Variants in SPAG6 observed in about 807,000 individuals in gnomAD.
SPAG6 encodes sperm-associated antigen 6.
SPAG6 carries 49 observed loss-of-function variants against 58.5 expected under a neutral mutation model. The observed-to-expected ratio is 0.84, with a 90% CI of 0.67 to 1.06. The LOEUF (loss-of-function observed/expected upper bound fraction) is 1.06, where lower values mean the gene tolerates loss of function less well. SPAG6 is among the 50% of genes least tolerant of loss of function. The probability of loss-of-function intolerance (pLI) is 0.00; values close to 1 mark genes in which losing one functional copy is unlikely to be tolerated. For synonymous variants in SPAG6, 233 were observed against 225.6 expected (o/e 1.03, Z -0.29); for missense variants, 560 against 611.3 (o/e 0.92, Z 0.89).
At chr10:22,399,460 G>A (rs111440507) in intron 8 of SPAG6, among the ~76,000 whole-genome samples, 4 of 152,242 alleles carry the variant, frequency 2.6e-5, no homozygotes, top group African/African-American at 4.8e-5. Context: ...ACATTTGTGA[G>A]GTTCATTCAT....
intron 10 of SPAG6, chr10:22,412,561 G>A (rs1834767086): frequency 1.9e-6 from 2 of 1,034,334 alleles, no homozygotes; most frequent in Non-Finnish European, 2.8e-6. Context: ...ATACATCAAA[G>A]CAGTGATATA....
At chr10:22,395,851 G>T (rs1834280351) in intron 8 of SPAG6, among the ~76,000 whole-genome samples, 1 of 152,180 alleles carries the variant, frequency 6.6e-6, no homozygotes, top group Non-Finnish European at 1.5e-5. Context: ...GGACCACAAT[G>T]CTTTCAGAAC....
chr10:22,348,472 A>G (rs1836628078), intron 2 of SPAG6, among the ~76,000 whole-genome samples: 1 of 152,232 alleles, frequency 6.6e-6, no homozygotes, highest in South Asian at 2.1e-4. Context: ...ACTTTGACAT[A>G]CTGTCTACAT....
At chr10:22,357,180 G>C (rs1303185985) in intron 2 of SPAG6, among the ~76,000 whole-genome samples, 1 of 152,092 alleles carries the variant, frequency 6.6e-6, no homozygotes, top group Non-Finnish European at 1.5e-5. Context: ...AGAGCCTTCA[G>C]ATCTCAACTT....
At chr10:22,405,635 G>A (rs1263255313) in intron 9 of SPAG6, among the ~76,000 whole-genome samples, 20 of 151,244 alleles carry the variant, frequency 1.3e-4, no homozygotes, top group African/African-American at 3.7e-4. Flanking sequence ...TTGGTATCAG[G>A]ATGATGCTGG....
At chr10:22,381,324 AG>A (rs1156708855) in intron 4 of SPAG6, among the ~76,000 whole-genome samples, 2 of 150,810 alleles carry the variant, frequency 1.3e-5, no homozygotes, top group Non-Finnish European at 2.9e-5. Flanking sequence ...TGTCTCACAC[AG>A]TGTTCTTAAA....
At chr10:22,391,189 G>A (rs1198913331) in intron 7 of SPAG6, among the ~76,000 whole-genome samples, 1 of 152,198 alleles carries the variant, frequency 6.6e-6, no homozygotes, top group Non-Finnish European at 1.5e-5. Context: ...TAATTTAAAA[G>A]TTGACCATAA....
At chr10:22,374,674 G>A (rs910958171) in intron 4 of SPAG6, among the ~76,000 whole-genome samples, 30 of 151,726 alleles carry the variant, frequency 2.0e-4, no homozygotes, top group Non-Finnish European at 3.5e-4. Flanking sequence ...TATTTGGGAG[G>A]CTGAAGTGGG....
rs529451315 is a variant in SPAG6, at chr10:22,360,888, T to TTTCCTTCC, written c.122-3948_122-3941dup. On this transcript the variant is annotated intron_variant, in intron 2 of 10. Coordinates refer to ENST00000376624, the MANE Select transcript of SPAG6 (RefSeq NM_012443.4). ...GGCAGGTAAGAAAAATTTCTTTTTA[T>TTTCCTTCC]TTCCTTCCTTCCTTCCTTCCTTCCA... 1.5e-4 allele frequency: 193 copies of TTTCCTTCC among 1,279,152 alleles called. 1 individual carries two copies. In the South Asian group the frequency reaches 2.0e-3, roughly 14 times the overall value. 79.2% of individuals were successfully genotyped at this position (1,279,152 alleles called of 1,614,324 possible). A position where few individuals can be genotyped will look rare whatever the true frequency, so the allele number is the denominator to read the frequency against.
At chr10:22,357,009 C>T (rs1836888636) in intron 2 of SPAG6, among the ~76,000 whole-genome samples, 1 of 152,174 alleles carries the variant, frequency 6.6e-6, no homozygotes, top group Admixed American at 6.5e-5. Context: ...CTCCAGCTTC[C>T]TGTCTCCCTT....
intron 2 of SPAG6, among the ~76,000 whole-genome samples, chr10:22,354,436 G>C: frequency 6.6e-6 from 1 of 152,302 alleles, no homozygotes; most frequent in Non-Finnish European, 1.5e-5. Flanking sequence ...TGGTTGAAGC[G>C]TGTCTGAGAT....
Position 22,386,891 on chromosome 10 carries a change from A to C in SPAG6, c.610A>C (p.Thr204Pro). Residue 204 changes from threonine (T) to proline (P), a missense_variant, in exon 5 of 11, where the codon ACA becomes CCA. Transcript: ENST00000376624. ...AAAGCATTCTCCAGAGTTAGCACAG[A>C]CAGTAGTGGATGCAGGAGCTGTTGC... ...IAKHSPELAQ[T>P]VVDAGAVAHL... 6.2e-7 allele frequency: 1 copy of C among 1,613,822 alleles called. No homozygotes were observed. Among genetic ancestry groups the C allele is most frequent in the South Asian group, 1.1e-5 (1 of 91,086 alleles).
intron 10 of SPAG6, 151 bp downstream of exon 10, chr10:22,411,327 C>T (rs1180770613): frequency 2.7e-5 from 15 of 564,440 alleles, no homozygotes; most frequent in Non-Finnish European, 4.2e-5. Context: ...TCTCTTCCCC[C>T]TGCCAAATTA....
At chr10:22,376,620 C>T (rs1219256793) in intron 4 of SPAG6, among the ~76,000 whole-genome samples, 1 of 151,824 alleles carries the variant, frequency 6.6e-6, no homozygotes, top group South Asian at 2.1e-4. Context: ...CATGCATGTG[C>T]GTATACTTGT....
intron 2 of SPAG6, among the ~76,000 whole-genome samples, chr10:22,363,867 A>G (rs967983639): frequency 3.3e-4 from 50 of 152,356 alleles, no homozygotes; most frequent in African/African-American, 1.1e-3. Context: ...GGTGTAAATT[A>G]AAGTGTAGAA....
rs545986687 is a variant in SPAG6 at position 22,382,117 on chromosome 10, A to C, written c.473-4637A>C. 1.6e-3 allele frequency among the ~76,000 whole-genome samples: 243 copies of C among 152,338 alleles called. 1 individual carries two copies. The highest frequency in any genetic ancestry group is 3.2e-4 in the Non-Finnish European group (22 of 68,028). On this transcript the variant is annotated intron_variant, in intron 4 of 10. Transcript: ENST00000376624. ...TTTTACGGATCAAAAAATTGTATGCACATACCCTCATAAATGTTGTTGGAA... is the reference window on the plus strand; with the variant it reads ...TTTTACGGATCAAAAAATTGTATGCCCATACCCTCATAAATGTTGTTGGAA...
intron 4 of SPAG6, among the ~76,000 whole-genome samples, chr10:22,385,507 G>T (rs16922217): frequency 0.17 from 25,334 of 152,164 alleles, 6,324 homozygotes; most frequent in African/African-American, 0.55. Context: ...GAATGTAGTG[G>T]TAATTTGCAG....
At chr10:22,373,687 G>C (rs1044610562) in intron 4 of SPAG6, among the ~76,000 whole-genome samples, 1 of 152,034 alleles carries the variant, frequency 6.6e-6, no homozygotes, top group East Asian at 1.9e-4. Flanking sequence ...TATAGATTTC[G>C]GTTGGTTCCA....
chr10:22,365,460 G>A (rs1393600579), intron 3 of SPAG6, among the ~76,000 whole-genome samples: 1 of 152,144 alleles, frequency 6.6e-6, no homozygotes, highest in African/African-American at 2.4e-5. Context: ...TATGTGTAAT[G>A]GAAGGTTTGA....
Sources: allele counts gnomAD v4.1 joint callset (sites outside exome capture counted in the v4.1 genomes callset), GRCh38; gene constraint gnomAD v4.1.1; transcripts MANE v1.5; gene names NCBI Gene and HGNC (gene_info 2026-07-23, HGNC 2026-07-21).